Variants in NELL1 observed in about 807,000 individuals in gnomAD.
NELL1 encodes the protein protein kinase C-binding protein NELL1.
A neutral mutation model predicts 107.4 loss-of-function variants in NELL1; 76 were observed. That is an observed-to-expected ratio of 0.71 (90% CI 0.59 to 0.86). The LOEUF (loss-of-function observed/expected upper bound fraction) is 0.86, where lower values mean the gene tolerates loss of function less well. NELL1 is among the 40% of genes least tolerant of loss of function. NELL1 has a pLI of 0.00. For synonymous variants in NELL1, 353 were observed against 341.2 expected, an observed-to-expected ratio of 1.03 and a Z score of -0.38; for missense variants, 1,024 against 1,005.5, an observed-to-expected ratio of 1.02 and a Z score of -0.25.
At chr11:20,921,170 A>G (rs75258897) in intron 7 of NELL1, among the ~76,000 whole-genome samples, 6,454 of 152,262 alleles carry the variant, frequency 0.042, 200 homozygotes, top group East Asian at 0.1. Flanking sequence ...ATTGAAAACT[A>G]TAAGAACCAT....
Position 21,261,725 on chromosome 11 carries a change from C to T in NELL1, c.1549+32271C>T, listed in dbSNP as rs921958857. On this transcript the variant is annotated intron_variant, in intron 14 of 19. Coordinates refer to ENST00000357134, the MANE Select transcript of NELL1 (RefSeq NM_006157.5). ...CAAAGGAAAAATCTGTTTATGAACA[C>T]TGAGAAATTATTTTGTAATTTCAAG... Among the ~76,000 whole-genome samples the T allele has an allele frequency of 2.0e-5, 3 of 151,804 alleles. No individual in the cohort carries two copies. The South Asian group carries it at 6.2e-4, about 31-fold the overall frequency.
intron 16 of NELL1, among the ~76,000 whole-genome samples, chr11:21,548,851 C>G (rs975621143): frequency 1.1e-4 from 17 of 150,372 alleles, no homozygotes; most frequent in Non-Finnish European, 2.1e-4. Flanking sequence ...GTTACTTGAC[C>G]CTTTGTTACT....
intron 15 of NELL1, among the ~76,000 whole-genome samples, chr11:21,379,777 G>T (rs1313694633): frequency 6.6e-6 from 1 of 151,998 alleles, no homozygotes; most frequent in Non-Finnish European, 1.5e-5. Context: ...GTAATAGTTT[G>T]CCTGAAGTAT....
chr11:21,091,536 T>A (rs1854520719), intron 12 of NELL1, among the ~76,000 whole-genome samples: 1 of 152,156 alleles, frequency 6.6e-6, no homozygotes, highest in African/African-American at 2.4e-5. Context: ...CATTCTAGGG[T>A]CTACTGTTAT....
At chr11:21,506,872 T>C (rs911897523) in intron 15 of NELL1, among the ~76,000 whole-genome samples, 1 of 152,180 alleles carries the variant, frequency 6.6e-6, no homozygotes, top group African/African-American at 2.4e-5. Context: ...AGAAGGGACC[T>C]AGGAGTCCTT....
chr11:21,148,112 A>G (rs1313311249), intron 13 of NELL1, among the ~76,000 whole-genome samples: 1 of 152,174 alleles, frequency 6.6e-6, no homozygotes, highest in African/African-American at 2.4e-5. Context: ...ATACAGAAAG[A>G]GCTTGACAGC....
chr11:21,018,957 G>T (rs1852634181), intron 12 of NELL1, among the ~76,000 whole-genome samples: 1 of 152,176 alleles, frequency 6.6e-6, no homozygotes, highest in East Asian at 1.9e-4. Context: ...CACTCAAGAT[G>T]ATTTAGTCAT....
At chr11:20,745,517 A>G (rs748968973) in intron 2 of NELL1, among the ~76,000 whole-genome samples, 6 of 152,202 alleles carry the variant, frequency 3.9e-5, no homozygotes, top group Non-Finnish European at 7.3e-5. Flanking sequence ...GGAACTTTGA[A>G]TGTTGCTAAG....
At chr11:21,389,467 C>T (rs1851818745) in intron 15 of NELL1, among the ~76,000 whole-genome samples, 1 of 151,774 alleles carries the variant, frequency 6.6e-6, no homozygotes, top group Non-Finnish European at 1.5e-5. Flanking sequence ...TCTGCTCTCC[C>T]TTCCTTAAGG....
intron 4 of NELL1, among the ~76,000 whole-genome samples, chr11:20,860,160 T>C (rs1014478909): frequency 1.3e-5 from 2 of 152,202 alleles, no homozygotes; most frequent in East Asian, 3.9e-4. Flanking sequence ...TTCACTCTTA[T>C]ACATCCTTAA....
At chr11:20,857,946 G>C (rs553929426) in intron 4 of NELL1, among the ~76,000 whole-genome samples, 1 of 152,188 alleles carries the variant, frequency 6.6e-6, no homozygotes, top group Non-Finnish European at 1.5e-5. Flanking sequence ...CCTTGATAAA[G>C]ATGCAGTTAG....
At chr11:21,295,358 G>T (rs1208156230) in intron 14 of NELL1, among the ~76,000 whole-genome samples, 1 of 151,954 alleles carries the variant, frequency 6.6e-6, no homozygotes, top group Non-Finnish European at 1.5e-5. Flanking sequence ...AGATCATTTG[G>T]TACCAGAACC....
intron 13 of NELL1, among the ~76,000 whole-genome samples, chr11:21,225,072 T>A (rs942899190): frequency 6.6e-6 from 1 of 152,154 alleles, no homozygotes; most frequent in Non-Finnish European, 1.5e-5. Context: ...GCTATGGTAA[T>A]GGTATCATTT....
At chr11:20,762,232 G>T (rs771231171) in intron 2 of NELL1, among the ~76,000 whole-genome samples, 1 of 152,196 alleles carries the variant, frequency 6.6e-6, no homozygotes, top group Admixed American at 6.5e-5. Flanking sequence ...TGTGCTGAAG[G>T]CAGGGATTGT....
chr11:20,803,334 G>T (rs2115754), intron 3 of NELL1, among the ~76,000 whole-genome samples: 129,842 of 152,124 alleles, frequency 0.85, 56,078 homozygotes, highest in East Asian at 0.99. Context: ...TCTTCTAGGT[G>T]TTCAAATTTA....
At chr11:20,741,723 A>G (rs1855895544) in intron 2 of NELL1, among the ~76,000 whole-genome samples, 1 of 152,134 alleles carries the variant, frequency 6.6e-6, no homozygotes, top group Admixed American at 6.6e-5. Context: ...ACGATGGAAC[A>G]CTCCAAGTCT....
chr11:21,277,428 G>A (rs1212453297), intron 14 of NELL1, among the ~76,000 whole-genome samples: 4 of 151,294 alleles, frequency 2.6e-5, no homozygotes, highest in Admixed American at 2.0e-4. Flanking sequence ...TGGAGAAATA[G>A]GAACACTTTT....
In NELL1 at chr11:20,877,121, A is replaced by T. The variant is rs7118493; in HGVS notation, c.507-8323A>T. ...GGGAAAAATGGATGGGAATGAACTT[A>T]TGTTCTGTATAGGAAAATTTCTCCA... On this transcript the variant is annotated intron_variant, in intron 4 of 19. Transcript: ENST00000357134. Among the ~76,000 whole-genome samples the T allele has an allele frequency of 8.6e-3, 1,303 of 152,324 alleles. 17 individuals carry two copies. The highest frequency in any genetic ancestry group is 0.03 in the African/African-American group (1,248 of 41,572).
chr11:21,414,525 A>C (rs1296979147), intron 15 of NELL1, among the ~76,000 whole-genome samples: 10 of 115,954 alleles, frequency 8.6e-5, no homozygotes, highest in Non-Finnish European at 1.9e-4. Flanking sequence ...TGATACGGCA[A>C]ATGGACTCTC....
Sources: allele counts gnomAD v4.1 joint callset (sites outside exome capture counted in the v4.1 genomes callset), GRCh38; gene constraint gnomAD v4.1.1; transcripts MANE v1.5; gene names NCBI Gene and HGNC (gene_info 2026-07-23, HGNC 2026-07-21).